SEC14L1: variants seen among roughly 807,000 people sequenced by gnomAD.
The protein encoded by SEC14L1 is SEC14-like protein 1.
In SEC14L1, 48 loss-of-function variants were observed where a neutral mutation model predicts 85.3. The observed-to-expected ratio is 0.56, with a 90% confidence interval of 0.45 to 0.72. The LOEUF is 0.72. Ranked by LOEUF, SEC14L1 falls within the 30% of genes least tolerant of loss-of-function variation. SEC14L1 has a pLI of 0.00. For synonymous variants in SEC14L1, 391 were observed against 355.5 expected (o/e 1.10, Z -1.12); for missense variants, 682 against 921.4 (o/e 0.74, Z 3.36).
chr17:77,139,980 G>A (rs973078469), upstream of SEC14L1, among the ~76,000 whole-genome samples: 5 of 152,192 alleles, frequency 3.3e-5, no homozygotes, highest in African/African-American at 7.2e-5. Context: ...GTCCAAAAAC[G>A]TTCTGTCCAA....
chr17:77,148,215 G>A (rs1973400840), intron 3 of SEC14L1, among the ~76,000 whole-genome samples: 1 of 152,182 alleles, frequency 6.6e-6, no homozygotes, highest in African/African-American at 2.4e-5. Context: ...AGGAGGGCAG[G>A]GTGGGAGAGG....
At chr17:77,090,252 A>G (rs944038543) in intron 2 of SEC14L1, among the ~76,000 whole-genome samples, 75 of 151,266 alleles carry the variant, frequency 5.0e-4, no homozygotes, top group African/African-American at 1.7e-3. Flanking sequence ...AGATCGCGCC[A>G]CTATACTGCA....
chr17:77,168,186 G>C (rs1425000937), intron 3 of SEC14L1, among the ~76,000 whole-genome samples: 1 of 152,202 alleles, frequency 6.6e-6, no homozygotes, highest in Non-Finnish European at 1.5e-5. Context: ...AGAAACAAGG[G>C]AGTATAAGGA....
chr17:77,207,127 C>T (rs549418406), intron 13 of SEC14L1, among the ~76,000 whole-genome samples: 9 of 152,312 alleles, frequency 5.9e-5, no homozygotes, highest in Middle Eastern at 3.4e-3. Context: ...TTGATTCACA[C>T]GGCTTTGTGT....
chr17:77,151,898 G>A (rs1973577087), intron 3 of SEC14L1, among the ~76,000 whole-genome samples: 1 of 152,058 alleles, frequency 6.6e-6, no homozygotes, highest in Non-Finnish European at 1.5e-5. Flanking sequence ...TTTCTTTCCT[G>A]GTGTATTAAA....
In SEC14L1 at chr17:77,206,242, C is replaced by G. The variant is rs745935812; in HGVS notation, c.1183C>G (p.Leu395Val). Reference protein sequence around the residue: ...FGRPISSWTCLVDLEGLNMRH... With the variant: ...FGRPISSWTCVVDLEGLNMRH... ...CACAACCTGCAGCTCATGGACCTGC[C>G]TGGTGGACTTGGAAGGGCTGAACAT... Residue 395 changes from leucine (L) to valine (V), a missense_variant, in exon 12 of 17, where the codon CTG becomes GTG. Physicochemically the swap from Leu to Val is conservative, Grantham distance 32. Coordinates refer to ENST00000436233, the MANE Select transcript of SEC14L1 (RefSeq NM_001143998.2). This position sits in a 1 kb window ranked among gnomAD's most constrained non-coding sequence, Gnocchi z 4.3. The G allele has an allele frequency of 5.0e-6, 8 of 1,614,024 alleles. No homozygotes were observed. In the South Asian group the frequency reaches 8.8e-5, roughly 18 times the overall value.
rs117962355 is a variant in SEC14L1 at position 77,213,752 on chromosome 17, C to G, written c.2043-166C>G. 1 of 956,194 alleles carries G rather than the reference C, an allele frequency of 1.0e-6. No homozygotes were observed. The highest frequency in any genetic ancestry group is 1.4e-5 in the South Asian group (1 of 73,174). The allele number at this position is 956,194 out of a possible 1,614,324, so 59.2% of individuals were successfully genotyped here. ...CGTCTGCGTGCAGGCTGTGGGAAGC[C>G]GGTCCCCCTGGTGGGTTACTCATGT... On this transcript the variant is annotated intron_variant, in intron 16 of 16. Transcript: ENST00000436233. This position sits in a 1 kb window ranked among gnomAD's most constrained non-coding sequence, Gnocchi z 7.1.
intron 3 of SEC14L1, among the ~76,000 whole-genome samples, chr17:77,122,423 T>C (rs1008382304): frequency 2.6e-5 from 4 of 151,944 alleles, no homozygotes; most frequent in Non-Finnish European, 4.4e-5. Flanking sequence ...TGCCTCAGCC[T>C]CCTGAGTAGC....
chr17:77,152,729 C>A (rs1973620310), intron 3 of SEC14L1: 1 of 152,190 alleles, frequency 6.6e-6, no homozygotes, highest in Non-Finnish European at 1.5e-5. Flanking sequence ...AACAAAAGTA[C>A]TAGTGATGCC....
chr17:77,111,388 T>G (rs972083686), intron 3 of SEC14L1, among the ~76,000 whole-genome samples: 1 of 147,790 alleles, frequency 6.8e-6, no homozygotes, highest in East Asian at 2.0e-4. Context: ...CCAAAGTTCT[T>G]TTGAAGTGTT....
chr17:77,214,988 C>G lies in SEC14L1; in HGVS notation c.*965C>G. 2.0e-6 allele frequency: 2 copies of G among 985,454 alleles called. No homozygotes were observed. Among genetic ancestry groups the G allele is most frequent in the South Asian group, 4.7e-5 (1 of 21,298 alleles). 61.0% of individuals were successfully genotyped at this position (985,454 alleles called of 1,614,324 possible). On this transcript the variant is annotated 3_prime_UTR_variant, in exon 17 of 17. Coordinates refer to ENST00000436233, the MANE Select transcript of SEC14L1 (RefSeq NM_001143998.2). Reference sequence around the variant, plus strand: ...TTTTATTAGTAGCTAAGCAGCAGCTCTCGCATCCACTTCAGGGTGGCGTGT... The same window carrying G: ...TTTTATTAGTAGCTAAGCAGCAGCTGTCGCATCCACTTCAGGGTGGCGTGT...
chr17:77,204,565 T>TA (rs1189997300), intron 10 of SEC14L1, among the ~76,000 whole-genome samples: 8 of 146,428 alleles, frequency 5.5e-5, no homozygotes, highest in Non-Finnish European at 9.0e-5. Context: ...GACATCGTCT[T>TA]ACTCTGTTGC....
chr17:77,196,071 A>G (rs12944803), intron 7 of SEC14L1, 131 bp from the exon 8 acceptor site: 99,255 of 654,366 alleles, frequency 0.15, 8,502 homozygotes, highest in Middle Eastern at 0.21. Context: ...TCTGGTTTAC[A>G]TCTGCCATCT....
intron 3 of SEC14L1, chr17:77,185,268 A>G: frequency 1.0e-6 from 1 of 985,462 alleles, no homozygotes; most frequent in Non-Finnish European, 1.2e-6. Context: ...GGAGTAAGGG[A>G]GGCGCTTGCT....
intron 3 of SEC14L1, among the ~76,000 whole-genome samples, chr17:77,178,841 G>A (rs1343462477): frequency 6.6e-6 from 1 of 152,236 alleles, no homozygotes; most frequent in African/African-American, 2.4e-5. Context: ...ACCGGTAGGA[G>A]CTGGGGACTC....
chr17:77,183,498 G>T (rs542957522), intron 3 of SEC14L1, among the ~76,000 whole-genome samples: 3 of 152,158 alleles, frequency 2.0e-5, no homozygotes, highest in African/African-American at 7.2e-5. Context: ...GCAAAGAATC[G>T]TGCACCTGTG....
chr17:77,115,607 G>C lies in SEC14L1; in HGVS notation c.-136+22260G>C, dbSNP rs1972153366. Among the ~76,000 whole-genome samples the C allele has an allele frequency of 2.0e-5, 3 of 152,078 alleles. No homozygotes were observed. In the South Asian group the frequency reaches 6.2e-4, roughly 31 times the overall value. On this transcript the variant is annotated intron_variant, in intron 3 of 19. Transcript: ENST00000392476. ...AGGTCTAGGGCCTTCATTCTGGGTGGCTGCTGTTCTTCCCTGATGCTGCCC... is the reference window on the plus strand; with the variant it reads ...AGGTCTAGGGCCTTCATTCTGGGTGCCTGCTGTTCTTCCCTGATGCTGCCC...
intron 8 of SEC14L1, among the ~76,000 whole-genome samples, chr17:77,197,629 T>TTA (rs1555627310): frequency 6.6e-6 from 1 of 152,072 alleles, no homozygotes; most frequent in African/African-American, 2.4e-5. Context: ...TTTTTTTTTT[T>TTA]TATATATGTA....
chr17:77,190,737 A>G (rs1199717230), intron 3 of SEC14L1, 66 bp from the exon 4 acceptor site: 14 of 1,554,732 alleles, frequency 9.0e-6, no homozygotes, highest in Non-Finnish European at 1.2e-5. Flanking sequence ...GGGAGAACAC[A>G]GTCAGCGGCA....
Sources: gnomAD v4.1 joint callset for allele counts (sites outside exome capture counted in the v4.1 genomes callset) on GRCh38, gnomAD v4.1.1 for gene constraint, Gnocchi (gnomAD v3.1) non-coding constraint, MANE v1.5 for transcripts, NCBI Gene and HGNC (gene_info 2026-07-23, HGNC 2026-07-21) for gene names.